IL1RL1: variants seen among roughly 807,000 people sequenced by gnomAD.
The protein encoded by IL1RL1 is interleukin 1 receptor like 1, also known as interleukin-1 receptor-like 1.
Under a neutral mutation model 50.9 loss-of-function variants are expected in IL1RL1, and 32 were observed. The observed-to-expected ratio is 0.63, with a 90% confidence interval of 0.47 to 0.84. IL1RL1 has a LOEUF of 0.84. Ranked by LOEUF, IL1RL1 falls within the 40% of genes least tolerant of loss-of-function variation. The pLI, the probability that IL1RL1 is intolerant of heterozygous loss-of-function variation, is 0.00. For synonymous variants in IL1RL1, 275 were observed against 236.0 expected (o/e 1.17, Z -1.51); for missense variants, 773 against 662.9 (o/e 1.17, Z -1.82).
intron 10 of IL1RL1, 96 bp downstream of exon 10, chr2:102,349,342 T>C (rs768801677): frequency 3.2e-6 from 3 of 940,344 alleles, no homozygotes; most frequent in Non-Finnish European, 5.1e-6. Context: ...TGAATTGCAT[T>C]TACTACCACA....
At chr2:102,341,497 C>T (rs1677562888) in intron 5 of IL1RL1, 2 of 266,240 alleles carry the variant, frequency 7.5e-6, no homozygotes, top group South Asian at 9.8e-5. Flanking sequence ...GATCTACAGA[C>T]GTAGATGTAA....
At chr2:102,336,767 G>A (rs1384310518) in intron 1 of IL1RL1, among the ~76,000 whole-genome samples, 1 of 152,110 alleles carries the variant, frequency 6.6e-6, no homozygotes, top group Non-Finnish European at 1.5e-5. Context: ...TTGGGATGGG[G>A]TGGAGTCACA....
intron 1 of IL1RL1, among the ~76,000 whole-genome samples, chr2:102,317,515 T>C (rs569470881): frequency 2.0e-5 from 3 of 152,290 alleles, no homozygotes; most frequent in African/African-American, 7.2e-5. Context: ...TTATTAGACT[T>C]TCTCCCATGT....
At chr2:102,313,775 C>T (rs949623683) in intron 1 of IL1RL1, among the ~76,000 whole-genome samples, 1 of 152,206 alleles carries the variant, frequency 6.6e-6, no homozygotes, top group African/African-American at 2.4e-5. Flanking sequence ...ATGCAGGAGT[C>T]TTACAACAGT....
intron 8 of IL1RL1, chr2:102,345,013 T>A (rs951496940): frequency 1.0e-6 from 1 of 953,404 alleles, no homozygotes; most frequent in African/African-American, 1.8e-5. Context: ...ACATTCTTTT[T>A]TATATATAAA....
chr2:102,319,937 C>T (rs1030213669), intron 1 of IL1RL1, among the ~76,000 whole-genome samples: 1 of 152,200 alleles, frequency 6.6e-6, no homozygotes, highest in Non-Finnish European at 1.5e-5. Flanking sequence ...AGTCCTCCCA[C>T]CTCAGCCTCC....
At chr2:102,341,210 A>T in intron 5 of IL1RL1, 1 of 1,159,776 alleles carries the variant, frequency 8.6e-7, no homozygotes, top group East Asian at 7.9e-5. Flanking sequence ...GTTTCTGCAA[A>T]TTAAAAAAGA....
intron 1 of IL1RL1, among the ~76,000 whole-genome samples, chr2:102,334,421 AG>A (rs1024588717): frequency 4.6e-5 from 7 of 152,150 alleles, no homozygotes; most frequent in African/African-American, 1.7e-4. Context: ...ACAGCTACAC[AG>A]CTAATGGAGC....
Position 102,335,144 on chromosome 2 carries a change from C to T in IL1RL1, c.-149-2972C>T, listed in dbSNP as rs575870528. 3.9e-5 allele frequency among the ~76,000 whole-genome samples: 6 copies of T among 152,206 alleles called. No individual in the cohort carries two copies. In the South Asian group the frequency reaches 1.2e-3, roughly 32 times the overall value. On this transcript the variant is annotated intron_variant, in intron 1 of 10. Transcript: ENST00000233954. Reference sequence around the variant, plus strand: ...CAGAAATTTATGGGTGCTTAAAATGCCTTGCTTTATTCATGTATTAGAAGC... The same window carrying T: ...CAGAAATTTATGGGTGCTTAAAATGTCTTGCTTTATTCATGTATTAGAAGC...
chr2:102,335,151 T>A (rs1573146015), intron 1 of IL1RL1, among the ~76,000 whole-genome samples: 1 of 152,214 alleles, frequency 6.6e-6, no homozygotes, highest in Non-Finnish European at 1.5e-5. Flanking sequence ...ATGCCTTGCT[T>A]TATTCATGTA....
At chr2:102,322,011 G>A (rs1676851153) in intron 1 of IL1RL1, among the ~76,000 whole-genome samples, 1 of 152,140 alleles carries the variant, frequency 6.6e-6, no homozygotes, top group Non-Finnish European at 1.5e-5. Flanking sequence ...ATGTATCTAT[G>A]TATCTACCTA....
chr2:102,326,158 C>T (rs1271075987), intron 1 of IL1RL1, among the ~76,000 whole-genome samples: 1 of 152,210 alleles, frequency 6.6e-6, no homozygotes, highest in African/African-American at 2.4e-5. Context: ...GATCTCTTGG[C>T]AGAAACTCTA....
chr2:102,321,339 A>C (rs550544362), intron 1 of IL1RL1, among the ~76,000 whole-genome samples: 90 of 152,260 alleles, frequency 5.9e-4, no homozygotes, highest in African/African-American at 2.0e-3. Context: ...TGTGTGGTGC[A>C]TTGCTGTATC....
chr2:102,321,642 A>G (rs1367940343), intron 1 of IL1RL1, among the ~76,000 whole-genome samples: 2 of 152,166 alleles, frequency 1.3e-5, no homozygotes, highest in African/African-American at 4.8e-5. Context: ...ACATGAATTT[A>G]CTGGAGGAAG....
rs1677634588 is a variant in IL1RL1, at chr2:102,343,082, T to C, written c.729T>C (p.Thr243=). The change falls in exon 7 of 11, where the codon ACT becomes ACC. Residue 243 remains threonine (T), a synonymous_variant. Coordinates refer to ENST00000233954, the MANE Select transcript of IL1RL1 (RefSeq NM_016232.5). ...GCTCTGCTTGTTTTGGAAAAGGCAC[T>C]CAGTTCTTGGCTGCCGTCCTGTGGC... The part of the protein sequence containing the change: ...LTCSACFGKG[T]QFLAAVLWQL... 6.2e-7 allele frequency: 1 copy of C among 1,613,942 alleles called. No homozygotes were observed. The highest frequency in any genetic ancestry group is 8.5e-7 in the Non-Finnish European group (1 of 1,179,982).
At chr2:102,339,866 A>C (rs1358595751) in intron 3 of IL1RL1, among the ~76,000 whole-genome samples, 1 of 152,196 alleles carries the variant, frequency 6.6e-6, no homozygotes, top group Non-Finnish European at 1.5e-5. Context: ...TGTATGAATA[A>C]ATGGTGAAGA....
At chr2:102,322,576 C>T (rs13001325) in intron 1 of IL1RL1, among the ~76,000 whole-genome samples, 46,521 of 151,982 alleles carry the variant, frequency 0.31, 7,859 homozygotes, top group Middle Eastern at 0.52. Flanking sequence ...CTGGGTCTCC[C>T]GACTTCAATA....
chr2:102,340,760 G>A lies in IL1RL1; in HGVS notation c.542G>A (p.Cys181Tyr), dbSNP rs1479849122. The change falls in exon 5 of 11, where the codon TGT becomes TAT. Residue 181 changes from cysteine (C) to tyrosine (Y), a missense_variant. Coordinates refer to ENST00000233954, the MANE Select transcript of IL1RL1 (RefSeq NM_016232.5). ...ACTGAGGACGCAGGTGATTACACCT[G>A]TAAATTTATACACAATGAAAATGGA... is the stretch of plus-strand genomic sequence containing the variant. Reference protein sequence around the residue: ...VMTEDAGDYTCKFIHNENGAN... With the variant: ...VMTEDAGDYTYKFIHNENGAN... The A allele has an allele frequency of 6.3e-7, 1 of 1,595,742 alleles. No homozygotes were observed. Among genetic ancestry groups the A allele is most frequent in the Non-Finnish European group, 8.5e-7 (1 of 1,174,594 alleles).
rs773085067 is a variant in IL1RL1 at position 102,343,129 on chromosome 2, C to T, written c.776C>T (p.Thr259Ile). 2.5e-6 allele frequency: 4 copies of T among 1,613,976 alleles called. No individual in the cohort carries two copies. Among genetic ancestry groups the T allele is most frequent in the Non-Finnish European group, 3.4e-6 (4 of 1,180,010 alleles). ...VLWQLNGTKI[T>I]DFGEPRIQQE... ...TGGCAGCTTAATGGAACAAAAATTA[C>T]AGACTTTGGTGAACCAAGAATTCAA... The change falls in exon 7 of 11, where the codon ACA (threonine) becomes ATA (isoleucine). Residue 259 changes from threonine to isoleucine, a missense_variant. Thr to Ile is a moderately conservative substitution (Grantham distance 89). Transcript: ENST00000233954.
Sources: gnomAD v4.1 joint callset for allele counts (sites outside exome capture counted in the v4.1 genomes callset) on GRCh38, gnomAD v4.1.1 for gene constraint, MANE v1.5 for transcripts, NCBI Gene and HGNC (gene_info 2026-07-23, HGNC 2026-07-21) for gene names.